SLC7A7: variants seen among roughly 807,000 people sequenced by gnomAD.
SLC7A7 encodes the protein solute carrier family 7 member 7.
In SLC7A7, 39 loss-of-function variants were observed where a neutral mutation model predicts 47.9. The observed-to-expected ratio is 0.81, with a 90% CI of 0.63 to 1.06. The LOEUF is 1.06. Among genes scored for constraint, SLC7A7 ranks in the 50% least tolerant of loss-of-function variants. The pLI is 0.00. For missense variants in SLC7A7, 588 were observed against 632.0 expected (o/e 0.93, Z 0.75); for synonymous variants, 234 against 242.8 (o/e 0.96, Z 0.34).
At chr14:22,784,775 C>T (rs2038784709) in intron 2 of SLC7A7, among the ~76,000 whole-genome samples, 1 of 152,156 alleles carries the variant, frequency 6.6e-6, no homozygotes, top group African/African-American at 2.4e-5. Flanking sequence ...AGCACCAGAC[C>T]AGGTGGATCC....
intron 4 of SLC7A7, 101 bp from the exon 5 acceptor site, chr14:22,776,419 T>C: frequency 6.9e-7 from 1 of 1,453,252 alleles, no homozygotes; most frequent in Non-Finnish European, 9.6e-7. Context: ...TTTCCAGGGA[T>C]GGAGACTGTT....
intron 7 of SLC7A7, among the ~76,000 whole-genome samples, chr14:22,774,772 C>T (rs897552312): frequency 6.6e-6 from 1 of 152,112 alleles, no homozygotes; most frequent in African/African-American, 2.4e-5. Flanking sequence ...GCATAGGACC[C>T]TTTCCATAAT....
rs373812507 is a variant in SLC7A7 at position 22,776,189 on chromosome 14, C to T, written c.894+6G>A. On this transcript the variant is annotated splice_donor_region_variant and intron_variant, in intron 5 of 9. Transcript: ENST00000674313. ...CCTCAACCTTCTGCTAGTGAAAATCCTTTACCACAGCAACAGCATCACTGG... is the reference window on the plus strand; with the variant it reads ...CCTCAACCTTCTGCTAGTGAAAATCTTTTACCACAGCAACAGCATCACTGG... The T allele has an allele frequency of 7.1e-5, 114 of 1,614,058 alleles. No homozygotes were observed. The highest frequency in any genetic ancestry group is 9.4e-5 in the Non-Finnish European group (111 of 1,180,034).
chr14:22,780,142 A>T (rs1188441460), intron 2 of SLC7A7, 91 bp from the exon 3 acceptor site: 1 of 1,559,650 alleles, frequency 6.4e-7, no homozygotes, highest in Admixed American at 1.7e-5. Flanking sequence ...AGTCACCAAG[A>T]TATATATACC....
intron 4 of SLC7A7, 144 bp downstream of exon 4, chr14:22,778,649 C>G: frequency 1.3e-6 from 1 of 793,860 alleles, no homozygotes; most frequent in Non-Finnish European, 2.0e-6. Flanking sequence ...CAAGTTACTT[C>G]TCTGAGCCTC....
chr14:22,778,655 G>A (rs2139394403), intron 4 of SLC7A7, 138 bp downstream of exon 4: 1 of 835,622 alleles, frequency 1.2e-6, no homozygotes, highest in South Asian at 1.8e-5. Context: ...ACTTCTCTGA[G>A]CCTCAGGCCT....
In SLC7A7 at chr14:22,773,405, T is replaced by C. The variant is rs574414124; in HGVS notation, c.*205A>G. On this transcript the variant is annotated 3_prime_UTR_variant, in exon 10 of 10. Transcript: ENST00000674313. Reference sequence around the variant, plus strand: ...ATGCTCCTCCCCACAGTCACCTTCATTGTCCCCTTTAAAAGTCTGGAACAG... The same window carrying C: ...ATGCTCCTCCCCACAGTCACCTTCACTGTCCCCTTTAAAAGTCTGGAACAG... The C allele has an allele frequency of 4.7e-5, 31 of 657,314 alleles. 1 individual carries two copies. Among genetic ancestry groups the C allele is most frequent in the Non-Finnish European group, 6.7e-5 (24 of 357,062 alleles). The allele number at this position is 657,314 out of a possible 1,614,324, so 40.7% of individuals were successfully genotyped here. A position where few individuals can be genotyped will look rare whatever the true frequency, so the allele number is the denominator to read the frequency against.
chr14:22,789,359 C>G (rs2139415409), intron 2 of SLC7A7, among the ~76,000 whole-genome samples: 1 of 152,282 alleles, frequency 6.6e-6, no homozygotes, highest in Admixed American at 6.5e-5. Flanking sequence ...TGGCTCATGC[C>G]TGTAATCCCA....
intron 2 of SLC7A7, among the ~76,000 whole-genome samples, chr14:22,792,399 CA>C (rs1000505455): frequency 2.2e-4 from 34 of 151,894 alleles, no homozygotes; most frequent in Admixed American, 9.2e-4. Flanking sequence ...CCTTTCTCTA[CA>C]AAAAAATTAC....
chr14:22,783,526 G>C (rs571949499), intron 2 of SLC7A7, among the ~76,000 whole-genome samples: 1 of 151,430 alleles, frequency 6.6e-6, no homozygotes, highest in Non-Finnish European at 1.5e-5. Flanking sequence ...TCAGCCTCCC[G>C]AGTAGCTAGA....
At chr14:22,804,301 G>C (rs554428903) in intron 2 of SLC7A7, among the ~76,000 whole-genome samples, 162 of 152,200 alleles carry the variant, frequency 1.1e-3, no homozygotes, top group African/African-American at 3.9e-3. Context: ...ATAGGCACGG[G>C]CAAAGATTTC....
upstream of SLC7A7, among the ~76,000 whole-genome samples, chr14:22,819,163 G>A (rs893849823): frequency 1.3e-4 from 20 of 152,026 alleles, no homozygotes; most frequent in Admixed American, 3.9e-4. Flanking sequence ...TACATAATTC[G>A]GGGTCTTGGC....
chr14:22,798,790 A>G (rs1282116713), intron 2 of SLC7A7, among the ~76,000 whole-genome samples: 2 of 152,102 alleles, frequency 1.3e-5, no homozygotes, highest in Non-Finnish European at 2.9e-5. Context: ...TGAGTTGCCA[A>G]TTCCAAATGA....
Position 22,779,915 on chromosome 14 carries a change from T to C in SLC7A7, c.625+11A>G. On this transcript the variant is annotated intron_variant, in intron 3 of 9. Transcript: ENST00000674313. ...TAAAAAAGATTAGTTGCTACTAATA[T>C]TATTTCTTACCCTGGCCAAGTCTAA... 6.2e-7 allele frequency: 1 copy of C among 1,614,002 alleles called. No individual in the cohort carries two copies. Among genetic ancestry groups the C allele is most frequent in the Non-Finnish European group, 8.5e-7 (1 of 1,179,890 alleles).
intron 2 of SLC7A7, among the ~76,000 whole-genome samples, chr14:22,790,391 G>C (rs1292532308): frequency 2.7e-5 from 4 of 150,540 alleles, no homozygotes; most frequent in African/African-American, 7.3e-5. Context: ...GTAGCACTGG[G>C]TGGTACTATT....
intron 2 of SLC7A7, among the ~76,000 whole-genome samples, chr14:22,809,554 G>A (rs2039268989): frequency 6.6e-6 from 1 of 152,026 alleles, no homozygotes; most frequent in African/African-American, 2.4e-5. Context: ...TGTTGGCCAG[G>A]ATGATCTTGA....
Position 22,773,959 on chromosome 14 carries a change from C to T in SLC7A7, c.1403G>A (p.Arg468Gln), listed in dbSNP as rs746907619. ...FLIIRVPEHK[R>Q]PLYLRRIVGS... ...CACGATCCTTCGGAGGTAAAGCGGT[C>T]GCTTATGTTCTGGCACTCTGATGAT... Residue 468 changes from arginine to glutamine, a missense_variant, in exon 9 of 10, where the codon CGA (arginine) becomes CAA (glutamine). Transcript: ENST00000674313. The T allele has an allele frequency of 5.0e-6, 8 of 1,614,098 alleles. No individual in the cohort carries two copies. The highest frequency in any genetic ancestry group is 2.2e-5 in the East Asian group (1 of 44,886).
chr14:22,786,618 C>T (rs2038822347), intron 2 of SLC7A7, among the ~76,000 whole-genome samples: 1 of 152,222 alleles, frequency 6.6e-6, no homozygotes, highest in Non-Finnish European at 1.5e-5. Context: ...GATCTTTCCT[C>T]CCCTCTTTCT....
At chr14:22,773,793 T>C in intron 9 of SLC7A7, 77 bp from the exon 10 acceptor site, 2 of 1,533,730 alleles carry the variant, frequency 1.3e-6, no homozygotes, top group Non-Finnish European at 1.8e-6. Flanking sequence ...TGGAACTCAG[T>C]GTGAGGGGAG....
Sources: gnomAD v4.1 joint callset for allele counts (sites outside exome capture counted in the v4.1 genomes callset) on GRCh38, gnomAD v4.1.1 for gene constraint, MANE v1.5 for transcripts, NCBI Gene and HGNC (gene_info 2026-07-23, HGNC 2026-07-21) for gene names.